Variants in CPEB2 observed in about 807,000 individuals in gnomAD.
The protein encoded by CPEB2 is cytoplasmic polyadenylation element binding protein 2.
In CPEB2, 56 loss-of-function variants were observed where a neutral mutation model predicts 93.6. The ratio of observed to expected loss-of-function variants is 0.60; its 90% CI spans 0.48 to 0.75. The LOEUF is 0.75. CPEB2 is among the 30% of genes least tolerant of loss of function. CPEB2 has a pLI of 0.00. For synonymous variants in CPEB2, 764 were observed against 586.3 expected (o/e 1.30, Z -4.38); for missense variants, 1,579 against 1,395.1 (o/e 1.13, Z -2.10).
chr4:15,011,867 C>T (rs943777746), intron 3 of CPEB2, among the ~76,000 whole-genome samples: 1 of 152,126 alleles, frequency 6.6e-6, no homozygotes, highest in African/African-American at 2.4e-5. Flanking sequence ...AATATATCAA[C>T]TCTCAATTTT....
At chr4:15,061,771 A>T (rs76467722) in intron 10 of CPEB2, among the ~76,000 whole-genome samples, 1 of 144,308 alleles carries the variant, frequency 6.9e-6, no homozygotes, top group Non-Finnish European at 1.5e-5. Flanking sequence ...AGTGTATGGG[A>T]TCTAGTATGC....
chr4:15,006,477 TTGA>T (rs1272563868), intron 1 of CPEB2: 18 of 152,192 alleles, frequency 1.2e-4, no homozygotes, highest in African/African-American at 4.3e-4. Context: ...TTACCATTCT[TTGA>T]TGATTTGACT....
In CPEB2 at chr4:15,017,239, C is replaced by G. The variant is rs144630360; in HGVS notation, c.2086C>G (p.Leu696Val). 436 of 1,603,688 alleles carry G rather than the reference C, an allele frequency of 2.7e-4. 1 individual carries two copies. The highest frequency in any genetic ancestry group is 3.5e-4 in the Admixed American group (21 of 59,716). The stretch of plus-strand genomic sequence containing the variant: ...GAATATGCACTCTTTGGAAAATTCC[C>G]TTATCGATATTATGAGAGCAGAGCA... ...SLNMHSLENS[L>V]IDIMRAEHDP... is the part of the protein sequence containing the mutation. The change falls in exon 4 of 12, where the codon CTT (leucine) becomes GTT (valine). Residue 696 changes from leucine to valine, a missense_variant. Leu to Val is a conservative substitution (Grantham distance 32). Transcript: ENST00000538197.
At chr4:15,048,873 G>A (rs1466868836) in intron 6 of CPEB2, among the ~76,000 whole-genome samples, 1 of 151,834 alleles carries the variant, frequency 6.6e-6, no homozygotes, top group Non-Finnish European at 1.5e-5. Context: ...CTTATTTAAT[G>A]GTTCTCCTTT....
chr4:15,031,336 C>T (rs902246393), intron 4 of CPEB2, among the ~76,000 whole-genome samples: 41 of 151,700 alleles, frequency 2.7e-4, no homozygotes, highest in African/African-American at 9.9e-4. Context: ...TTAAACTGTT[C>T]TCCAAATTTG....
At chr4:15,009,214 T>C (rs922905106) in intron 3 of CPEB2, among the ~76,000 whole-genome samples, 4 of 152,254 alleles carry the variant, frequency 2.6e-5, no homozygotes, top group African/African-American at 9.6e-5. Context: ...GTTATATGAA[T>C]GGAGCTATGT....
At chr4:15,034,986 C>T (rs1197873994) in intron 5 of CPEB2, among the ~76,000 whole-genome samples, 1 of 152,100 alleles carries the variant, frequency 6.6e-6, no homozygotes, top group African/African-American at 2.4e-5. Context: ...GATATTAGTG[C>T]TCCTGTACTA....
intron 5 of CPEB2, among the ~76,000 whole-genome samples, chr4:15,034,706 C>T (rs1489508401): frequency 2.6e-5 from 4 of 152,126 alleles, no homozygotes; most frequent in Admixed American, 1.3e-4. Flanking sequence ...AAACTTTTTT[C>T]GGATCATTGG....
rs1020027443 is a variant in CPEB2, at chr4:15,066,206, C to G, written c.2931C>G (p.Gly977=). The stretch of plus-strand genomic sequence containing the variant: ...ACCAGATGTGTGATGAATGCCAGGG[C>G]GCACGCTGTGGTGGAAAATTTGCTC... ...LDDQMCDECQ[G]ARCGGKFAPF... The change falls in exon 12 of 12, where the codon GGC becomes GGG. Residue 977 remains glycine, a synonymous_variant. Coordinates refer to ENST00000538197, the MANE Select transcript of CPEB2 (RefSeq NM_001177382.2). 7 of 1,613,260 alleles carry G rather than the reference C, an allele frequency of 4.3e-6. No individual in the cohort carries two copies. Among genetic ancestry groups the G allele is most frequent in the Admixed American group, 1.7e-5 (1 of 59,928 alleles).
In CPEB2 at chr4:15,007,716, T is replaced by G. The variant is rs571617345; in HGVS notation, c.1944+130T>G. 20 of 524,882 alleles carry G rather than the reference T, an allele frequency of 3.8e-5. No individual in the cohort carries two copies. The East Asian group carries it at 6.6e-4, about 17-fold the overall frequency. 32.5% of individuals were successfully genotyped at this position (524,882 alleles called of 1,614,324 possible). Reference sequence around the variant, plus strand: ...AAGTTTTAATTTTTAAGCATGTAATTTAATTAACAAAGGTTAAAATATCTA... The same window carrying G: ...AAGTTTTAATTTTTAAGCATGTAATGTAATTAACAAAGGTTAAAATATCTA... On this transcript the variant is annotated intron_variant, in intron 2 of 11. Transcript: ENST00000538197.
At position 15,003,306 on chromosome 4, in the gene CPEB2, G is replaced by GCCA. The variant is rs2108931293; in HGVS notation, c.635_636insACC (p.Pro214dup). 1 of 1,427,884 alleles carries GCCA rather than the reference G, an allele frequency of 7.0e-7. No individual in the cohort carries two copies. The highest frequency in any genetic ancestry group is 1.5e-5 in the South Asian group (1 of 65,920). The allele number at this position is 1,427,884 out of a possible 1,614,324, so 88.5% of individuals were successfully genotyped here. On this transcript the variant is annotated inframe_insertion, in exon 1 of 12. Transcript: ENST00000538197. ...ACTGCCCCGGTCGGTTCAGCCCGCC[G>GCCA]CCGCCGCCAGCCGGCCCGCTCCTCC...
rs1722086460 is a variant in CPEB2 at position 15,002,533 on chromosome 4, G to C, written c.-141G>C. 1 of 617,006 alleles carries C rather than the reference G, an allele frequency of 1.6e-6. No individual in the cohort carries two copies. The highest frequency in any genetic ancestry group is 4.3e-5 in the Admixed American group (1 of 23,528). The allele number at this position is 617,006 out of a possible 1,614,324, so 38.2% of individuals were successfully genotyped here. On this transcript the variant is annotated 5_prime_UTR_variant, in exon 1 of 12. Coordinates refer to ENST00000538197, the MANE Select transcript of CPEB2 (RefSeq NM_001177382.2). ...GCGAGGGGTGGTGGGGCCGAAGTCG[G>C]TGCCCCCTGGCTCAGTCACGGTGTC...
Position 15,035,535 on chromosome 4 carries a change from C to G in CPEB2, c.2176+2324C>G, listed in dbSNP as rs1242217164. 2.0e-5 allele frequency among the ~76,000 whole-genome samples: 3 copies of G among 152,028 alleles called. No individual in the cohort carries two copies. The East Asian group carries it at 5.8e-4, about 29-fold the overall frequency. On this transcript the variant is annotated intron_variant, in intron 5 of 11. Coordinates refer to ENST00000538197, the MANE Select transcript of CPEB2 (RefSeq NM_001177382.2). ...TATTTGAAAGAGTAAAAATCATGTC[C>G]TATAAATACATGAAGTTGGATATGT...
intron 3 of CPEB2, among the ~76,000 whole-genome samples, chr4:15,014,688 T>A (rs901222274): frequency 1.2e-4 from 18 of 152,024 alleles, no homozygotes; most frequent in African/African-American, 3.6e-4. Context: ...CATTTTTTAT[T>A]GAGTTTTTAT....
chr4:15,066,446 A>G lies in CPEB2; in HGVS notation c.*66A>G. 1 of 1,137,128 alleles carries G rather than the reference A, an allele frequency of 8.8e-7. No homozygotes were observed. The highest frequency in any genetic ancestry group is 1.3e-6 in the Non-Finnish European group (1 of 772,620). 70.4% of individuals were successfully genotyped at this position (1,137,128 alleles called of 1,614,324 possible). On this transcript the variant is annotated 3_prime_UTR_variant, in exon 12 of 12. Transcript: ENST00000538197. Reference sequence around the variant, plus strand: ...TGCATGTGGCTTACTGTGTCTGAAGATACTGACATGCAGAAGAAATAAGTG... The same window carrying G: ...TGCATGTGGCTTACTGTGTCTGAAGGTACTGACATGCAGAAGAAATAAGTG...
At chr4:15,040,180 G>A (rs1727027763) in intron 5 of CPEB2, among the ~76,000 whole-genome samples, 1 of 152,122 alleles carries the variant, frequency 6.6e-6, no homozygotes, top group Admixed American at 6.6e-5. Context: ...TTCATTAGCT[G>A]AAACAAATAC....
intron 4 of CPEB2, among the ~76,000 whole-genome samples, chr4:15,026,988 G>C (rs1051072859): frequency 2.0e-5 from 3 of 151,954 alleles, no homozygotes; most frequent in African/African-American, 4.8e-5. Context: ...CATTACTTTT[G>C]TTTAAAACCC....
rs1560203979 is a variant in CPEB2, at chr4:15,003,112, CCCTCCTCCTCCTCCG to C, written c.449_463del (p.Ser150_Ser154del). On this transcript the variant is annotated inframe_deletion, in exon 1 of 12. Coordinates refer to ENST00000538197, the MANE Select transcript of CPEB2 (RefSeq NM_001177382.2). ...GGACTTCAAACCGAGTCTGCACCACCCCTCCTCCTCCTCCGCCTCCTCCTGCTGCTGCTGCCGCAC... is the reference window on the plus strand; with the variant it reads ...GGACTTCAAACCGAGTCTGCACCACCCCTCCTCCTGCTGCTGCTGCCGCAC... 6.5e-7 allele frequency: 1 copy of C among 1,533,132 alleles called. No individual in the cohort carries two copies. The highest frequency in any genetic ancestry group is 8.7e-7 in the Non-Finnish European group (1 of 1,145,784). 95.0% of individuals were successfully genotyped at this position (1,533,132 alleles called of 1,614,324 possible).
chr4:15,037,029 G>T (rs1179184049), intron 5 of CPEB2, among the ~76,000 whole-genome samples: 2 of 152,026 alleles, frequency 1.3e-5, no homozygotes, highest in Non-Finnish European at 2.9e-5. Flanking sequence ...GGGCCCGGGC[G>T]CAATGGCTCA....
Sources: allele counts gnomAD v4.1 joint callset (sites outside exome capture counted in the v4.1 genomes callset), GRCh38; gene constraint gnomAD v4.1.1; transcripts MANE v1.5; gene names NCBI Gene and HGNC (gene_info 2026-07-23, HGNC 2026-07-21).